Variants in MAPK8 observed in about 807,000 individuals in gnomAD.
MAPK8 encodes the protein mitogen-activated protein kinase 8.
MAPK8 carries 13 observed loss-of-function variants against 52.9 expected under a neutral mutation model. That is an observed-to-expected ratio of 0.25 (90% CI 0.16 to 0.39). MAPK8 has a LOEUF of 0.39. Ranked by LOEUF, MAPK8 falls within the 10% of genes least tolerant of loss-of-function variation. The pLI, the probability that MAPK8 is intolerant of heterozygous loss-of-function variation, is 1.00. For missense variants in MAPK8, 300 were observed against 519.2 expected (o/e 0.58, Z 4.10); for synonymous variants, 191 against 169.8 (o/e 1.12, Z -0.97).
intron 1 of MAPK8, among the ~76,000 whole-genome samples, chr10:48,321,693 A>G (rs1588932503): frequency 6.6e-6 from 1 of 152,200 alleles, no homozygotes; most frequent in Admixed American, 6.5e-5. Context: ...GGTGTATGGT[A>G]TAAGGAAGGC....
intron 1 of MAPK8, among the ~76,000 whole-genome samples, chr10:48,357,848 A>G (rs1394015735): frequency 1.3e-5 from 2 of 152,220 alleles, no homozygotes; most frequent in Admixed American, 6.5e-5. Flanking sequence ...TCCGTTACGT[A>G]GTCACTCCTC....
intron 3 of MAPK8, 91 bp downstream of exon 3, chr10:48,405,072 T>A: frequency 1.5e-6 from 1 of 659,684 alleles, no homozygotes; most frequent in Non-Finnish European, 2.5e-6. Flanking sequence ...TTAGGGGCTT[T>A]AAATTGTTCT....
intron 5 of MAPK8, among the ~76,000 whole-genome samples, chr10:48,416,731 T>TAATTACAA (rs1202291011): frequency 6.6e-6 from 1 of 152,202 alleles, no homozygotes. Context: ...AATTAAATTC[T>TAATTACAA]TCTGTACAGA....
intron 1 of MAPK8, among the ~76,000 whole-genome samples, chr10:48,400,789 T>C (rs1364666480): frequency 6.6e-6 from 1 of 152,186 alleles, no homozygotes; most frequent in African/African-American, 2.4e-5. Context: ...TTTGGAATAG[T>C]CTCTTTTGTC....
At chr10:48,347,805 C>T (rs949442971) in intron 1 of MAPK8, among the ~76,000 whole-genome samples, 12 of 152,126 alleles carry the variant, frequency 7.9e-5, no homozygotes, top group Non-Finnish European at 1.5e-5. Context: ...CATTGATGGG[C>T]ATTTGGGTTG....
intron 1 of MAPK8, among the ~76,000 whole-genome samples, chr10:48,375,325 G>A (rs2040589765): frequency 1.3e-5 from 2 of 152,076 alleles, no homozygotes; most frequent in African/African-American, 2.4e-5. Context: ...TTTGAAAACC[G>A]GCACAAGACA....
At chr10:48,309,791 C>A (rs1841794602) in intron 1 of MAPK8, among the ~76,000 whole-genome samples, 1 of 152,120 alleles carries the variant, frequency 6.6e-6, no homozygotes, top group Admixed American at 6.5e-5. Context: ...AGTGGAAATA[C>A]AAAATAATGT....
At chr10:48,391,301 A>G (rs1291642148) in intron 1 of MAPK8, among the ~76,000 whole-genome samples, 1 of 152,188 alleles carries the variant, frequency 6.6e-6, no homozygotes, top group Non-Finnish European at 1.5e-5. Context: ...TAATGCCAAT[A>G]TTTGTTCATA....
At chr10:48,408,324 A>G (rs920538253) in intron 3 of MAPK8, among the ~76,000 whole-genome samples, 8 of 152,238 alleles carry the variant, frequency 5.3e-5, no homozygotes, top group African/African-American at 1.9e-4. Flanking sequence ...ACATTAGAAG[A>G]TAACTGGGGA....
intron 1 of MAPK8, among the ~76,000 whole-genome samples, chr10:48,368,305 A>G (rs1487966778): frequency 1.3e-5 from 2 of 152,230 alleles, no homozygotes; most frequent in East Asian, 3.8e-4. Flanking sequence ...GCCATGGAGA[A>G]AGACTCAGTG....
At position 48,411,550 on chromosome 10, in the gene MAPK8, G is replaced by A. The variant is rs571335179; in HGVS notation, c.450+1382G>A. On this transcript the variant is annotated intron_variant, in intron 5 of 11. Transcript: ENST00000374189. Reference sequence around the variant, plus strand: ...CTTCGTAGTAACTTGAAATGGAGAAGTATCAATTCTCCAGCTTTATTCTTT... The same window carrying A: ...CTTCGTAGTAACTTGAAATGGAGAAATATCAATTCTCCAGCTTTATTCTTT... Among the ~76,000 whole-genome samples, 6 of 152,310 alleles carry A rather than the reference G, an allele frequency of 3.9e-5. No individual in the cohort carries two copies. In the East Asian group the frequency reaches 1.2e-3, roughly 29 times the overall value.
intron 1 of MAPK8, among the ~76,000 whole-genome samples, chr10:48,367,637 T>C (rs1381219506): frequency 2.0e-5 from 3 of 152,164 alleles, no homozygotes; most frequent in African/African-American, 7.2e-5. Flanking sequence ...TTGAGTTGCT[T>C]TACATGTTTT....
At chr10:48,423,105 C>T (rs1315695060) in intron 6 of MAPK8, among the ~76,000 whole-genome samples, 2 of 152,190 alleles carry the variant, frequency 1.3e-5, no homozygotes, top group Admixed American at 6.5e-5. Context: ...CTTACTCTCT[C>T]CTTTTTGTGT....
intron 9 of MAPK8, 150 bp downstream of exon 9, chr10:48,426,654 A>G (rs1250815834): frequency 6.8e-6 from 5 of 733,630 alleles, no homozygotes; most frequent in African/African-American, 1.8e-5. Context: ...TACGTCAAAT[A>G]AACTAATGAA....
intron 7 of MAPK8, chr10:48,424,490 A>C: frequency 1.4e-6 from 2 of 1,469,706 alleles, no homozygotes; most frequent in Non-Finnish European, 1.9e-6. Flanking sequence ...TCTTTATGTT[A>C]ATGTCATTGC....
chr10:48,415,779 G>A (rs1663396070), intron 5 of MAPK8, among the ~76,000 whole-genome samples: 1 of 152,112 alleles, frequency 6.6e-6, no homozygotes, highest in African/African-American at 2.4e-5. Flanking sequence ...CATGAAGTAG[G>A]GTTGCTATAC....
At chr10:48,356,385 A>G (rs1218419280) in intron 1 of MAPK8, among the ~76,000 whole-genome samples, 3 of 152,242 alleles carry the variant, frequency 2.0e-5, no homozygotes, top group Admixed American at 2.0e-4. Flanking sequence ...GGATGAAATA[A>G]GGGAAAATAT....
chr10:48,381,495 T>C (rs1286838488), intron 1 of MAPK8, among the ~76,000 whole-genome samples: 1 of 152,198 alleles, frequency 6.6e-6, no homozygotes, highest in Non-Finnish European at 1.5e-5. Context: ...TCTTAGTAGT[T>C]CTAATTTCAA....
chr10:48,319,613 C>G (rs1444696599), intron 1 of MAPK8, among the ~76,000 whole-genome samples: 1 of 151,986 alleles, frequency 6.6e-6, no homozygotes, highest in Non-Finnish European at 1.5e-5. Flanking sequence ...CCTCAGCCTC[C>G]CGAGTAGCTG....
Sources: gnomAD v4.1 joint callset for allele counts (sites outside exome capture counted in the v4.1 genomes callset) on GRCh38, gnomAD v4.1.1 for gene constraint, MANE v1.5 for transcripts, NCBI Gene and HGNC (gene_info 2026-07-23, HGNC 2026-07-21) for gene names.